MACROD2: variants seen among roughly 807,000 people sequenced by gnomAD.
MACROD2 encodes ADP-ribose glycohydrolase MACROD2.
A neutral mutation model predicts 70.4 loss-of-function variants in MACROD2; 36 were observed. The ratio of observed to expected loss-of-function variants is 0.51; its 90% CI spans 0.39 to 0.68. The LOEUF is 0.68. Among genes scored for constraint, MACROD2 ranks in the 30% least tolerant of loss-of-function variants. The pLI, the probability that MACROD2 is intolerant of heterozygous loss-of-function variation, is 0.00. For missense variants in MACROD2, 496 were observed against 538.4 expected (o/e 0.92, Z 0.78); for synonymous variants, 172 against 178.8 (o/e 0.96, Z 0.30).
intron 5 of MACROD2, among the ~76,000 whole-genome samples, chr20:15,012,466 T>C (rs2075090307): frequency 6.6e-6 from 1 of 152,146 alleles, no homozygotes; most frequent in South Asian, 2.1e-4. Context: ...GGTCCAAGCC[T>C]GAAAATAATA....
intron 5 of MACROD2, among the ~76,000 whole-genome samples, chr20:14,937,670 G>A (rs1012947054): frequency 1.3e-5 from 2 of 152,036 alleles, no homozygotes; most frequent in East Asian, 1.9e-4. Context: ...TTAAATATTT[G>A]TCTTTTTAAT....
intron 5 of MACROD2, among the ~76,000 whole-genome samples, chr20:15,210,773 T>C (rs985333957): frequency 6.6e-6 from 1 of 152,098 alleles, no homozygotes; most frequent in African/African-American, 2.4e-5. Flanking sequence ...ATACTCTCTC[T>C]CTTTTCTCCT....
intron 8 of MACROD2, among the ~76,000 whole-genome samples, chr20:15,739,481 T>G (rs73897847): frequency 0.021 from 3,229 of 151,988 alleles, 125 homozygotes; most frequent in African/African-American, 0.074. Flanking sequence ...ATGCAAAAAA[T>G]GAGCCAGCAG....
chr20:15,639,937 GA>G (rs2049430113), intron 8 of MACROD2, among the ~76,000 whole-genome samples: 1 of 151,308 alleles, frequency 6.6e-6, no homozygotes, highest in African/African-American at 2.4e-5. Flanking sequence ...GAGAGAGGCA[GA>G]AAAGGAGAGA....
chr20:15,418,344 C>T (rs1213887329), intron 6 of MACROD2, among the ~76,000 whole-genome samples: 1 of 152,170 alleles, frequency 6.6e-6, no homozygotes, highest in Non-Finnish European at 1.5e-5. Flanking sequence ...TATTCTCTCT[C>T]CCTCCTAACA....
intron 8 of MACROD2, among the ~76,000 whole-genome samples, chr20:15,720,407 T>C (rs1174329324): frequency 6.6e-6 from 1 of 152,204 alleles, no homozygotes; most frequent in African/African-American, 2.4e-5. Context: ...TACTCAAATT[T>C]CATTTTTAAA....
intron 3 of MACROD2, among the ~76,000 whole-genome samples, chr20:14,199,994 A>G (rs2081465694): frequency 6.6e-6 from 1 of 152,216 alleles, no homozygotes. Context: ...CATAAGAACC[A>G]ATGTCATGAT....
chr20:14,485,376 C>T (rs904643413), intron 3 of MACROD2, among the ~76,000 whole-genome samples: 2 of 152,116 alleles, frequency 1.3e-5, no homozygotes, highest in African/African-American at 4.8e-5. Flanking sequence ...TTTGTCATAA[C>T]CTCAGAAGCC....
At chr20:16,025,752 G>T (rs998794849) in intron 15 of MACROD2, among the ~76,000 whole-genome samples, 3 of 152,114 alleles carry the variant, frequency 2.0e-5, no homozygotes, top group Admixed American at 1.3e-4. Flanking sequence ...CTGTTCCCTG[G>T]CATTCTAAAC....
intron 3 of MACROD2, chr20:14,323,023 A>G (rs941952381): frequency 6.6e-6 from 1 of 152,172 alleles, no homozygotes; most frequent in African/African-American, 2.4e-5. Context: ...TCATTCAACA[A>G]TAATCAACAT....
At chr20:14,389,842 C>A (rs1350112064) in intron 3 of MACROD2, among the ~76,000 whole-genome samples, 1 of 152,092 alleles carries the variant, frequency 6.6e-6, no homozygotes, top group African/African-American at 2.4e-5. Context: ...AAAACTGGAA[C>A]AAGACAAGGA....
chr20:15,432,849 G>T (rs533794634), intron 7 of MACROD2, among the ~76,000 whole-genome samples: 1 of 152,048 alleles, frequency 6.6e-6, no homozygotes, highest in South Asian at 2.1e-4. Context: ...GCTTCAAAAA[G>T]GGAATTGATG....
chr20:15,078,470 A>G (rs532680123), intron 5 of MACROD2, among the ~76,000 whole-genome samples: 48 of 152,338 alleles, frequency 3.2e-4, no homozygotes, highest in African/African-American at 1.1e-3. Flanking sequence ...GCTCAGGATG[A>G]CAAAGTGTTG....
chr20:15,521,683 C>T (rs1294932630), intron 8 of MACROD2, among the ~76,000 whole-genome samples: 1 of 152,148 alleles, frequency 6.6e-6, no homozygotes, highest in Non-Finnish European at 1.5e-5. Flanking sequence ...CTCCTCATTT[C>T]CTCTCAGAAA....
intron 3 of MACROD2, among the ~76,000 whole-genome samples, chr20:14,383,634 A>G (rs922119202): frequency 7.9e-5 from 12 of 152,214 alleles, no homozygotes; most frequent in African/African-American, 2.4e-4. Flanking sequence ...CTGATTTATC[A>G]TAACAGTGCA....
intron 5 of MACROD2, among the ~76,000 whole-genome samples, chr20:14,712,142 A>T (rs969785979): frequency 2.0e-5 from 3 of 152,314 alleles, no homozygotes; most frequent in African/African-American, 7.2e-5. Flanking sequence ...GCCTCAGGTT[A>T]GAGTCACACA....
At chr20:15,367,318 G>T (rs2045425401) in intron 6 of MACROD2, among the ~76,000 whole-genome samples, 1 of 152,060 alleles carries the variant, frequency 6.6e-6, no homozygotes, top group Non-Finnish European at 1.5e-5. Flanking sequence ...GAGCCACCGT[G>T]CCCGGCCCCA....
chr20:15,597,270 G>A (rs957465526), intron 8 of MACROD2, among the ~76,000 whole-genome samples: 3 of 152,190 alleles, frequency 2.0e-5, no homozygotes, highest in Admixed American at 2.0e-4. Context: ...TGAAGTTAGG[G>A]AATATATTGG....
intron 8 of MACROD2, among the ~76,000 whole-genome samples, chr20:15,573,014 T>C (rs1427231843): frequency 6.6e-6 from 1 of 151,962 alleles, no homozygotes; most frequent in Non-Finnish European, 1.5e-5. Context: ...ACCACAAGAG[T>C]ACTTTTCAAA....
Sources: gnomAD v4.1 joint callset for allele counts (sites outside exome capture counted in the v4.1 genomes callset) on GRCh38, gnomAD v4.1.1 for gene constraint, MANE v1.5 for transcripts, NCBI Gene and HGNC (gene_info 2026-07-23, HGNC 2026-07-21) for gene names.